GAS2L3: variants seen among roughly 807,000 people sequenced by gnomAD.
GAS2L3 encodes GAS2-like protein 3.
In GAS2L3, 28 loss-of-function variants were observed where a neutral mutation model predicts 37.0. The observed-to-expected ratio is 0.76, with a 90% CI of 0.56 to 1.04. GAS2L3 has a LOEUF of 1.04. Among genes scored for constraint, GAS2L3 ranks in the 50% least tolerant of loss-of-function variants. GAS2L3 has a pLI of 0.00. For missense variants in GAS2L3, 793 were observed against 817.6 expected, an observed-to-expected ratio of 0.97 and a Z score of 0.37; for synonymous variants, 290 against 296.6, an observed-to-expected ratio of 0.98 and a Z score of 0.23.
rs146712247 is a variant in GAS2L3 at position 100,588,994 on chromosome 12, A to C, written c.-151-2742A>C. Among the ~76,000 whole-genome samples the C allele has an allele frequency of 3.6e-3, 548 of 152,252 alleles. 2 individuals carry two copies. Among genetic ancestry groups the C allele is most frequent in the African/African-American group, 0.013 (523 of 41,530 alleles). ...ATATTGTTAAAAAACATGTTTTACA[A>C]TCAATTTGTAGAGTTAACACAATTA... is the stretch of plus-strand genomic sequence containing the variant. On this transcript the variant is annotated intron_variant, in intron 1 of 9. Coordinates refer to ENST00000547754, the MANE Select transcript of GAS2L3 (RefSeq NM_174942.3).
chr12:100,608,951 C>A (rs1321345156), intron 5 of GAS2L3, among the ~76,000 whole-genome samples: 1 of 152,242 alleles, frequency 6.6e-6, no homozygotes. Flanking sequence ...GCTACTACCA[C>A]CACTGGCCCA....
chr12:100,619,873 A>T (rs911824456), intron 8 of GAS2L3, among the ~76,000 whole-genome samples: 2 of 152,086 alleles, frequency 1.3e-5, no homozygotes, highest in African/African-American at 4.8e-5. Flanking sequence ...CTGTGTTCAC[A>T]CAAGAAGAAA....
At chr12:100,616,002 T>G (rs1956183104) in intron 6 of GAS2L3, among the ~76,000 whole-genome samples, 1 of 151,998 alleles carries the variant, frequency 6.6e-6, no homozygotes. Context: ...GATCATCAGC[T>G]TTTCCATTTC....
intron 6 of GAS2L3, among the ~76,000 whole-genome samples, chr12:100,615,001 A>G (rs147031945): frequency 4.6e-5 from 7 of 152,314 alleles, no homozygotes; most frequent in African/African-American, 1.7e-4. Context: ...TGAAGTAAAC[A>G]TATTTCTTAA....
intron 1 of GAS2L3, among the ~76,000 whole-genome samples, chr12:100,589,803 A>G (rs950480827): frequency 7.2e-5 from 11 of 152,188 alleles, no homozygotes; most frequent in Admixed American, 3.9e-4. Flanking sequence ...TGACAAAGCA[A>G]ACAAAAACAT....
chr12:100,617,141 A>C (rs1956197700), intron 6 of GAS2L3, among the ~76,000 whole-genome samples: 1 of 151,784 alleles, frequency 6.6e-6, no homozygotes, highest in South Asian at 2.1e-4. Flanking sequence ...TCTTATATTG[A>C]ACTATTTCTG....
At chr12:100,622,809 A>C (rs535579275) in intron 9 of GAS2L3, among the ~76,000 whole-genome samples, 1 of 148,364 alleles carries the variant, frequency 6.7e-6, no homozygotes, top group Non-Finnish European at 1.5e-5. Context: ...AGAGTTTATA[A>C]TAATACAAGC....
At position 100,626,723 on chromosome 12, in the gene GAS2L3, A is replaced by G. The variant is rs1306637971; in HGVS notation, c.*1833A>G. 1.3e-5 allele frequency: 2 copies of G among 152,228 alleles called. No individual in the cohort carries two copies. The highest frequency in any genetic ancestry group is 1.9e-4 in the East Asian group (1 of 5,204). The allele number at this position is 152,228 out of a possible 1,614,324, so 9.4% of individuals were successfully genotyped here. A position where few individuals can be genotyped will look rare whatever the true frequency, so the allele number is the denominator to read the frequency against. On this transcript the variant is annotated 3_prime_UTR_variant, in exon 10 of 10. Transcript: ENST00000547754. ...TTACAATATGTAATTTATGTTGTTT[A>G]CAGTATATAAACACTAAGTTTTGTG...
In GAS2L3 at chr12:100,625,380, A is replaced by G. The variant is rs1956322359; in HGVS notation, c.*490A>G. ...CACCTAATTTAATTTTCTGATCAGG[A>G]TTGCCTGATCCAACAGTGCTAAGTC... is the stretch of plus-strand genomic sequence containing the variant. On this transcript the variant is annotated 3_prime_UTR_variant, in exon 10 of 10. Transcript: ENST00000547754. 6.5e-6 allele frequency: 1 copy of G among 153,126 alleles called. No individual in the cohort carries two copies. The highest frequency in any genetic ancestry group is 6.4e-5 in the Admixed American group (1 of 15,548). 9.5% of individuals were successfully genotyped at this position (153,126 alleles called of 1,614,324 possible).
At chr12:100,586,059 G>T (rs1023142776) in intron 1 of GAS2L3, among the ~76,000 whole-genome samples, 1 of 152,038 alleles carries the variant, frequency 6.6e-6, no homozygotes, top group African/African-American at 2.4e-5. Context: ...CTGTGAATTA[G>T]ATCATGTCGC....
chr12:100,617,703 T>C (rs1487480037), intron 6 of GAS2L3, 41 bp from the exon 7 acceptor site: 1 of 1,221,124 alleles, frequency 8.2e-7, no homozygotes, highest in Non-Finnish European at 1.2e-6. Flanking sequence ...GTTTCCATAC[T>C]TAATTTTGCT....
At chr12:100,579,931 C>T (rs35707) in intron 1 of GAS2L3, 399,740 of 769,896 alleles carry the variant, frequency 0.52, 107,113 homozygotes, top group East Asian at 0.73. Context: ...ACTGAAAAAG[C>T]GTATGACCAA....
intron 1 of GAS2L3, among the ~76,000 whole-genome samples, chr12:100,577,186 A>C (rs913556254): frequency 2.0e-5 from 3 of 152,202 alleles, no homozygotes; most frequent in African/African-American, 7.2e-5. Flanking sequence ...ATATCAGTGC[A>C]TATAGCTCTG....
intron 1 of GAS2L3, among the ~76,000 whole-genome samples, chr12:100,584,141 A>G (rs1361211831): frequency 6.6e-6 from 1 of 152,192 alleles, no homozygotes; most frequent in African/African-American, 2.4e-5. Context: ...CAACCCAGGA[A>G]AACTTATGCT....
At chr12:100,607,284 T>C (rs903031453) in intron 5 of GAS2L3, among the ~76,000 whole-genome samples, 4 of 152,210 alleles carry the variant, frequency 2.6e-5, no homozygotes, top group Non-Finnish European at 4.4e-5. Flanking sequence ...ACTGAAAAAT[T>C]TGCTGCCAGA....
intron 1 of GAS2L3, among the ~76,000 whole-genome samples, chr12:100,578,009 G>A (rs571003708): frequency 2.0e-5 from 3 of 152,302 alleles, no homozygotes; most frequent in Admixed American, 2.0e-4. Flanking sequence ...AAAACACTGG[G>A]CAACCATTAA....
chr12:100,579,400 A>G, intron 1 of GAS2L3: 1 of 946,778 alleles, frequency 1.1e-6, no homozygotes, highest in East Asian at 2.4e-5. Context: ...CTCCAGACCC[A>G]TTTAGAAGGC....
intron 1 of GAS2L3, among the ~76,000 whole-genome samples, chr12:100,582,911 A>C (rs1420090172): frequency 3.3e-5 from 5 of 152,130 alleles, no homozygotes; most frequent in Admixed American, 6.5e-5. Flanking sequence ...CCGTCTTCAC[A>C]GCCTGCAGTG....
intron 3 of GAS2L3, among the ~76,000 whole-genome samples, chr12:100,599,679 A>C (rs1390683957): frequency 5.9e-5 from 9 of 151,994 alleles, no homozygotes; most frequent in African/African-American, 1.9e-4. Context: ...TTCATTCAAC[A>C]AATGTTTATT....
Sources: allele counts gnomAD v4.1 joint callset (sites outside exome capture counted in the v4.1 genomes callset), GRCh38; gene constraint gnomAD v4.1.1; transcripts MANE v1.5; gene names NCBI Gene and HGNC (gene_info 2026-07-23, HGNC 2026-07-21).